LCORL: variants seen among roughly 807,000 people sequenced by gnomAD.
The protein encoded by LCORL is ligand dependent nuclear receptor corepressor like.
LCORL carries 41 observed loss-of-function variants against 141.8 expected under a neutral mutation model. The observed-to-expected ratio is 0.29, with a 90% CI of 0.23 to 0.38. LCORL has a LOEUF of 0.38. Among genes scored for constraint, LCORL ranks in the 10% least tolerant of loss-of-function variants. LCORL has a pLI of 1.00. For synonymous variants in LCORL, 618 were observed against 694.1 expected, an observed-to-expected ratio of 0.89 and a Z score of 1.72; for missense variants, 1,759 against 2,035.0, an observed-to-expected ratio of 0.86 and a Z score of 2.61.
intron 7 of LCORL, among the ~76,000 whole-genome samples, chr4:17,863,433 C>T (rs1170410537): frequency 1.3e-5 from 2 of 152,120 alleles, no homozygotes; most frequent in South Asian, 4.1e-4. Context: ...CAAATCAGAA[C>T]CACAATGAGA....
At position 18,014,531 on chromosome 4, in the gene LCORL, G is replaced by T. The variant is rs150177751; in HGVS notation, c.154+7067C>A. Among the ~76,000 whole-genome samples the T allele has an allele frequency of 2.0e-5, 3 of 152,064 alleles. No individual in the cohort carries two copies. The East Asian group carries it at 5.8e-4, about 29-fold the overall frequency. On this transcript the variant is annotated intron_variant, in intron 1 of 7. Transcript: ENST00000635767. ...AGATACTGTAAAGAAAGTAATAATAGCTTGGCAACAGATTAAGGTAAAAAA... is the reference window on the plus strand; with the variant it reads ...AGATACTGTAAAGAAAGTAATAATATCTTGGCAACAGATTAAGGTAAAAAA...
chr4:17,930,915 A>C (rs1321825408), intron 4 of LCORL, among the ~76,000 whole-genome samples: 1 of 152,168 alleles, frequency 6.6e-6, no homozygotes, highest in Non-Finnish European at 1.5e-5. Flanking sequence ...AGATGATCTG[A>C]TCTTAGAAGT....
chr4:17,904,077 T>C (rs1012077821), intron 5 of LCORL, among the ~76,000 whole-genome samples: 14 of 152,010 alleles, frequency 9.2e-5, no homozygotes, highest in Non-Finnish European at 1.9e-4. Context: ...ACAATGAGTA[T>C]ATTCTTCATA....
At chr4:17,921,465 T>C (rs1734291709) in intron 4 of LCORL, among the ~76,000 whole-genome samples, 1 of 152,204 alleles carries the variant, frequency 6.6e-6, no homozygotes, top group African/African-American at 2.4e-5. Flanking sequence ...ATAATAAAAC[T>C]TGAAAGTAGA....
At chr4:17,964,687 T>C (rs1056213974) in intron 2 of LCORL, among the ~76,000 whole-genome samples, 2 of 152,076 alleles carry the variant, frequency 1.3e-5, no homozygotes, top group African/African-American at 4.8e-5. Context: ...TAAGAAGAAC[T>C]TGGGACCTCA....
chr4:17,873,489 C>G, exon 7 of LCORL: 1 of 1,223,512 alleles, frequency 8.2e-7, no homozygotes, highest in Non-Finnish European at 1.0e-6. Flanking sequence ...TGGTCTTTTT[C>G]TTTTGTTCAA....
At chr4:17,898,248 T>C (rs1730295484) in intron 5 of LCORL, among the ~76,000 whole-genome samples, 2 of 152,190 alleles carry the variant, frequency 1.3e-5, no homozygotes, top group Admixed American at 1.3e-4. Flanking sequence ...TCACTAAGAA[T>C]GTATAGTCAA....
chr4:17,945,127 C>T (rs56674691), intron 4 of LCORL, among the ~76,000 whole-genome samples: 3,365 of 152,100 alleles, frequency 0.022, 131 homozygotes, highest in African/African-American at 0.076. Flanking sequence ...AAGAATAAGA[C>T]GCTGAGGTTC....
chr4:17,986,948 CT>C (rs779186502), intron 1 of LCORL, among the ~76,000 whole-genome samples: 10 of 151,738 alleles, frequency 6.6e-5, no homozygotes, highest in East Asian at 1.9e-4. Context: ...ACAGTTTAAC[CT>C]TTTTTTTGTA....
At chr4:18,007,611 T>C (rs941287196) in intron 1 of LCORL, among the ~76,000 whole-genome samples, 1 of 152,156 alleles carries the variant, frequency 6.6e-6, no homozygotes, top group Non-Finnish European at 1.5e-5. Flanking sequence ...GCCCTGTCCA[T>C]AAATAATTAC....
At chr4:17,945,369 G>A (rs1738693830) in intron 4 of LCORL, among the ~76,000 whole-genome samples, 1 of 151,054 alleles carries the variant, frequency 6.6e-6, no homozygotes, top group South Asian at 2.1e-4. Context: ...AAATAGTTGA[G>A]ATGTTGGATT....
chr4:17,911,145 T>C (rs2109334020), intron 4 of LCORL, among the ~76,000 whole-genome samples: 1 of 152,276 alleles, frequency 6.6e-6, no homozygotes, highest in East Asian at 1.9e-4. Flanking sequence ...CTGTAAGGAT[T>C]ATATGAGATT....
intron 2 of LCORL, among the ~76,000 whole-genome samples, chr4:17,972,192 T>C (rs1199034129): frequency 1.3e-5 from 2 of 151,784 alleles, no homozygotes; most frequent in Non-Finnish European, 3.0e-5. Context: ...AAAAAATTAA[T>C]CTCCTGACTT....
At chr4:17,958,816 C>A (rs1416364197) in intron 4 of LCORL, among the ~76,000 whole-genome samples, 1 of 151,902 alleles carries the variant, frequency 6.6e-6, no homozygotes, top group East Asian at 1.9e-4. Context: ...CAGGTACAGT[C>A]CTAGTTGCCG....
chr4:17,925,796 G>A (rs1735027855), intron 4 of LCORL, among the ~76,000 whole-genome samples: 1 of 150,238 alleles, frequency 6.7e-6, no homozygotes, highest in African/African-American at 2.5e-5. Flanking sequence ...GTTTGAACCT[G>A]GGAGGTGGAG....
At chr4:17,858,657 G>T (rs1333111167) in intron 7 of LCORL, among the ~76,000 whole-genome samples, 1 of 151,840 alleles carries the variant, frequency 6.6e-6, no homozygotes, top group Admixed American at 6.6e-5. Context: ...GAACCAGGGA[G>T]GTGGAGGTTG....
At position 18,021,453 on chromosome 4, in the gene LCORL, C is replaced by CCGCCG. The variant is rs915213784; in HGVS notation, c.154+140_154+144dup. 74 of 649,876 alleles carry CCGCCG rather than the reference C, an allele frequency of 1.1e-4. No homozygotes were observed. Among genetic ancestry groups the CCGCCG allele is most frequent in the African/African-American group, 3.7e-4 (19 of 51,830 alleles). The allele number at this position is 649,876 out of a possible 1,614,324, so 40.3% of individuals were successfully genotyped here. On this transcript the variant is annotated intron_variant, in intron 1 of 7. Coordinates refer to ENST00000635767, the Ensembl canonical transcript of LCORL. This position sits in a 1 kb window ranked among gnomAD's most constrained non-coding sequence, Gnocchi z 5.5. ...GCAAGACAAAAGGCGAGCGCCGGGG[C>CCGCCG]CGCCGCGCCGCGCCGCTCCCATCTC...
intron 4 of LCORL, among the ~76,000 whole-genome samples, chr4:17,934,160 A>G (rs1736478861): frequency 1.3e-5 from 2 of 152,098 alleles, no homozygotes; most frequent in Non-Finnish European, 2.9e-5. Context: ...ATGACTGTGT[A>G]TTTGGCAAAT....
At chr4:17,854,544 T>C (rs1166326680) in intron 7 of LCORL, among the ~76,000 whole-genome samples, 1 of 152,202 alleles carries the variant, frequency 6.6e-6, no homozygotes, top group Non-Finnish European at 1.5e-5. Flanking sequence ...ATCGTTTAAT[T>C]TTGAGTCCCT....
Sources: gnomAD v4.1 joint callset for allele counts (sites outside exome capture counted in the v4.1 genomes callset) on GRCh38, gnomAD v4.1.1 for gene constraint, Gnocchi (gnomAD v3.1) non-coding constraint, MANE v1.5 for transcripts, NCBI Gene and HGNC (gene_info 2026-07-23, HGNC 2026-07-21) for gene names.